The following ASCC1 variants were observed in gnomAD, a reference collection of about 807,000 sequenced individuals.
ASCC1 encodes the protein ASC-1 complex subunit P50.
A neutral mutation model predicts 46.6 loss-of-function variants in ASCC1; 35 were observed. That is an observed-to-expected ratio of 0.75 (90% CI 0.57 to 0.99). The LOEUF (loss-of-function observed/expected upper bound fraction) is 0.99. Ranked by LOEUF, ASCC1 falls within the 50% of genes least tolerant of loss-of-function variation. The pLI is 0.00. For missense variants in ASCC1, 376 were observed against 428.7 expected (o/e 0.88, Z 1.09); for synonymous variants, 143 against 146.6 (o/e 0.98, Z 0.18).
intron 7 of ASCC1, chr10:72,133,980 C>T (rs1845894059): frequency 6.6e-6 from 1 of 152,258 alleles, no homozygotes; most frequent in Admixed American, 6.6e-5. Context: ...AACTAAGTGG[C>T]AAATCCAAAA....
At chr10:72,178,903 A>G (rs554816447) in intron 5 of ASCC1, among the ~76,000 whole-genome samples, 10 of 152,346 alleles carry the variant, frequency 6.6e-5, no homozygotes, top group Non-Finnish European at 1.5e-4. Flanking sequence ...TCTCAAAAAA[A>G]GAAATAAACA....
intron 7 of ASCC1, chr10:72,133,622 T>A (rs773192003): frequency 4.0e-6 from 1 of 247,632 alleles, no homozygotes; most frequent in Non-Finnish European, 8.0e-6. Context: ...AATACAGTTA[T>A]GACAGAGAGT....
At chr10:72,182,544 A>C (rs1009612631) in intron 5 of ASCC1, among the ~76,000 whole-genome samples, 4 of 152,226 alleles carry the variant, frequency 2.6e-5, no homozygotes, top group African/African-American at 9.6e-5. Flanking sequence ...ACAACAACAA[A>C]AAAAGGCTAG....
At chr10:72,130,434 G>C (rs894828326) in intron 8 of ASCC1, among the ~76,000 whole-genome samples, 11 of 152,086 alleles carry the variant, frequency 7.2e-5, no homozygotes, top group Non-Finnish European at 1.0e-4. Context: ...TGCAAATAGA[G>C]GGATAACTAG....
chr10:72,178,494 G>C (rs191727071), intron 5 of ASCC1, among the ~76,000 whole-genome samples: 1 of 152,158 alleles, frequency 6.6e-6, no homozygotes, highest in Non-Finnish European at 1.5e-5. Context: ...GAGCAGTCAC[G>C]TGTCAAGGAA....
intron 9 of ASCC1, among the ~76,000 whole-genome samples, chr10:72,126,358 T>C (rs1268560061): frequency 6.6e-6 from 1 of 152,202 alleles, no homozygotes; most frequent in African/African-American, 2.4e-5. Context: ...GTATTACTGA[T>C]ATAGCAAGTC....
At chr10:72,183,706 G>A (rs1028009570) in intron 5 of ASCC1, among the ~76,000 whole-genome samples, 1 of 152,086 alleles carries the variant, frequency 6.6e-6, no homozygotes, top group Non-Finnish European at 1.5e-5. Context: ...CCAGAAGACA[G>A]TAGAATTATA....
At chr10:72,197,782 T>C (rs1855685879) in intron 4 of ASCC1, among the ~76,000 whole-genome samples, 1 of 151,084 alleles carries the variant, frequency 6.6e-6, no homozygotes, top group South Asian at 2.1e-4. Context: ...GTCACATGTC[T>C]GTAATCCCAG....
intron 9 of ASCC1, among the ~76,000 whole-genome samples, chr10:72,121,666 A>G (rs1440382523): frequency 1.4e-4 from 21 of 152,270 alleles, no homozygotes. Flanking sequence ...GGAGCAATAC[A>G]TAATGATAAA....
At chr10:72,122,157 A>T (rs531174351) in intron 9 of ASCC1, among the ~76,000 whole-genome samples, 1 of 152,356 alleles carries the variant, frequency 6.6e-6, no homozygotes, top group East Asian at 1.9e-4. Flanking sequence ...GCAGCGGCTC[A>T]CGCCTGTAAT....
At chr10:72,189,834 C>CAA in intron 5 of ASCC1, 1 of 359,060 alleles carries the variant, frequency 2.8e-6, no homozygotes, top group African/African-American at 2.4e-5. Flanking sequence ...GAACCAAAGA[C>CAA]ATGAACCATT....
At chr10:72,207,963 T>G (rs756244448) in intron 3 of ASCC1, among the ~76,000 whole-genome samples, 1 of 151,998 alleles carries the variant, frequency 6.6e-6, no homozygotes, top group Non-Finnish European at 1.5e-5. Flanking sequence ...AAGCACTCAC[T>G]ACCACGCCTG....
chr10:72,128,269 C>G (rs1343983215), intron 8 of ASCC1, 102 bp from the exon 9 acceptor site: 1 of 952,652 alleles, frequency 1.0e-6, no homozygotes, highest in Non-Finnish European at 1.7e-6. Flanking sequence ...TTTTCATGAA[C>G]TACCTGGAAA....
intron 3 of ASCC1, among the ~76,000 whole-genome samples, chr10:72,205,078 C>A (rs1857011886): frequency 6.6e-6 from 1 of 152,202 alleles, no homozygotes; most frequent in African/African-American, 2.4e-5. Context: ...GAGGCTGACG[C>A]AGAAGGATCC....
chr10:72,147,660 G>C (rs920352531), intron 7 of ASCC1, among the ~76,000 whole-genome samples: 4 of 152,142 alleles, frequency 2.6e-5, no homozygotes, highest in Non-Finnish European at 2.9e-5. Context: ...TCAGGGCACA[G>C]CTTTGCTATC....
chr10:72,145,971 C>T (rs1847578547), intron 7 of ASCC1, among the ~76,000 whole-genome samples: 1 of 152,190 alleles, frequency 6.6e-6, no homozygotes, highest in African/African-American at 2.4e-5. Flanking sequence ...CCCACCTTAC[C>T]CCATTCCCAT....
chr10:72,102,103 G>GT (rs1386648990), intron 9 of ASCC1, among the ~76,000 whole-genome samples: 2 of 152,062 alleles, frequency 1.3e-5, no homozygotes, highest in Non-Finnish European at 2.9e-5. Flanking sequence ...GTTTACCTGT[G>GT]TAACAAACCT....
intron 9 of ASCC1, among the ~76,000 whole-genome samples, chr10:72,122,386 C>T (rs575829725): frequency 2.7e-5 from 4 of 150,558 alleles, no homozygotes; most frequent in African/African-American, 9.8e-5. Flanking sequence ...TGCCACTGCA[C>T]TCCAGCCTGG....
chr10:72,190,714 A>G, intron 5 of ASCC1: 1 of 600,146 alleles, frequency 1.7e-6, no homozygotes, highest in Non-Finnish European at 2.9e-6. Flanking sequence ...AGTTAAAGTG[A>G]AGGCCGGGCA....
Sources: gnomAD v4.1 joint callset for allele counts (sites outside exome capture counted in the v4.1 genomes callset) on GRCh38, gnomAD v4.1.1 for gene constraint, MANE v1.5 for transcripts, NCBI Gene and HGNC (gene_info 2026-07-23, HGNC 2026-07-21) for gene names.